Variants in PLA2G2F observed in about 807,000 individuals in gnomAD.
PLA2G2F encodes phospholipase A2 group IIF.
In PLA2G2F, 17 loss-of-function variants were observed where a neutral mutation model predicts 15.9. That is an observed-to-expected ratio of 1.07 (90% CI 0.73 to 1.60). The LOEUF is 1.60. Ranked by LOEUF, PLA2G2F falls within the 40% of genes most tolerant of loss-of-function variation. The probability of loss-of-function intolerance (pLI) is 0.00; values close to 1 mark genes in which losing one functional copy is unlikely to be tolerated. For synonymous variants in PLA2G2F, 119 were observed against 106.5 expected (o/e 1.12, Z -0.72); for missense variants, 299 against 278.2 (o/e 1.07, Z -0.53).
At position 20,140,431 on chromosome 1, in the gene PLA2G2F, G is replaced by T. The variant is rs12563965; in HGVS notation, c.169+213G>T. On this transcript the variant is annotated intron_variant, in intron 2 of 4. Coordinates refer to ENST00000375102, the MANE Select transcript of PLA2G2F (RefSeq NM_022819.4). ...AAACATGCATTTATGAGCCCTGGGG[G>T]GCAGGGCGCAGGGCTGAGCAAGCAT... 4.4e-5 allele frequency: 25 copies of T among 569,016 alleles called. No individual in the cohort carries two copies. In the African/African-American group the frequency reaches 4.5e-4, roughly 10 times the overall value. The allele number at this position is 569,016 out of a possible 1,614,324, so 35.2% of individuals were successfully genotyped here.
At chr1:20,145,370 C>T (rs1300187727) in intron 4 of PLA2G2F, among the ~76,000 whole-genome samples, 1 of 151,602 alleles carries the variant, frequency 6.6e-6, no homozygotes, top group Non-Finnish European at 1.5e-5. Context: ...CAACCTCTGC[C>T]TCCCAGGTTC....
intron 4 of PLA2G2F, among the ~76,000 whole-genome samples, chr1:20,146,891 G>A (rs2017624208): frequency 6.6e-6 from 1 of 152,166 alleles, no homozygotes; most frequent in Admixed American, 6.5e-5. Context: ...CGAACTTAAA[G>A]CAGTGATTTT....
At chr1:20,144,149 C>T (rs753255958) in intron 3 of PLA2G2F, 184 of 202,098 alleles carry the variant, frequency 9.1e-4, no homozygotes, top group Middle Eastern at 2.1e-3. Flanking sequence ...CCTACCAGTC[C>T]CTGTTGACCC....
chr1:20,139,683 G>A (rs910873201), intron 1 of PLA2G2F, 140 bp downstream of exon 1: 26 of 666,330 alleles, frequency 3.9e-5, no homozygotes, highest in Middle Eastern at 3.6e-4. Context: ...CAACCTTCAC[G>A]TGGCACTCAT....
intron 4 of PLA2G2F, 150 bp from the exon 5 acceptor site, chr1:20,148,040 C>T: frequency 1.5e-6 from 1 of 673,220 alleles, no homozygotes; most frequent in South Asian, 1.7e-5. Context: ...TGGGGTGGGG[C>T]CCGTGGGTGG....
Position 20,149,739 on chromosome 1 carries a change from G to C in PLA2G2F, c.*1338G>C, listed in dbSNP as rs1247166531. 1 of 152,562 alleles carries C rather than the reference G, an allele frequency of 6.6e-6. No homozygotes were observed. The highest frequency in any genetic ancestry group is 1.5e-5 in the Non-Finnish European group (1 of 68,330). The allele number at this position is 152,562 out of a possible 1,614,324, so 9.5% of individuals were successfully genotyped here. A position where few individuals can be genotyped will look rare whatever the true frequency, so the allele number is the denominator to read the frequency against. On this transcript the variant is annotated 3_prime_UTR_variant, in exon 5 of 5. Transcript: ENST00000375102. ...GGGTTCCTGTGTGGGGCGTGGAGCT[G>C]GGGCTGAAGTGGAGGGGACGGCCCT...
In PLA2G2F at chr1:20,148,481, G is replaced by T; in HGVS notation, c.*80G>T. On this transcript the variant is annotated 3_prime_UTR_variant, in exon 5 of 5. Transcript: ENST00000375102. ...CGAGGTGCAGGGAGGGTAGGAGCCA[G>T]GCCAGGAGCCTGAGGGTTGCTGGTT... 1 of 1,247,250 alleles carries T rather than the reference G, an allele frequency of 8.0e-7. No individual in the cohort carries two copies. The allele number at this position is 1,247,250 out of a possible 1,614,324, so 77.3% of individuals were successfully genotyped here.
chr1:20,146,112 T>C (rs1190245227), intron 4 of PLA2G2F, among the ~76,000 whole-genome samples: 1 of 152,224 alleles, frequency 6.6e-6, no homozygotes, highest in East Asian at 1.9e-4. Context: ...GCCCAGGAAC[T>C]TGGCTTTCAG....
At position 20,148,688 on chromosome 1, in the gene PLA2G2F, A is replaced by G; in HGVS notation, c.*287A>G. 2.2e-6 allele frequency: 1 copy of G among 453,848 alleles called. No homozygotes were observed. Among genetic ancestry groups the G allele is most frequent in the Admixed American group, 3.7e-5 (1 of 27,388 alleles). 28.1% of individuals were successfully genotyped at this position (453,848 alleles called of 1,614,324 possible). ...GGGTGGCCGGGGAGACCTGAGAGAG[A>G]GGAGGAGGGGCCTCTGAGTGGGGCC... On this transcript the variant is annotated 3_prime_UTR_variant, in exon 5 of 5. Transcript: ENST00000375102.
chr1:20,140,220 T>A lies in PLA2G2F; in HGVS notation c.169+2T>A. ...CCGTGGCCATCCTTGCTGGCAGCGGTGAGTAAAGACTCCAGAGGGCTCCTC... is the reference window on the plus strand; with the variant it reads ...CCGTGGCCATCCTTGCTGGCAGCGGAGAGTAAAGACTCCAGAGGGCTCCTC... On this transcript the variant is annotated splice_donor_variant, in intron 2 of 4. Transcript: ENST00000375102. LOFTEE classifies it high-confidence loss of function. 1 of 1,613,718 alleles carries A rather than the reference T, an allele frequency of 6.2e-7. No homozygotes were observed. Among genetic ancestry groups the A allele is most frequent in the African/African-American group, 1.3e-5 (1 of 75,010 alleles).
Position 20,148,516 on chromosome 1 carries a change from C to A in PLA2G2F, c.*115C>A. The stretch of plus-strand genomic sequence containing the variant: ...CTGAGGGTTGCTGGTTGCCTCCTCC[C>A]TGGAGCTCTCCAGTGAGGGCTCAGC... On this transcript the variant is annotated 3_prime_UTR_variant, in exon 5 of 5. Transcript: ENST00000375102. The A allele has an allele frequency of 1.2e-6, 1 of 828,254 alleles. No homozygotes were observed. Among genetic ancestry groups the A allele is most frequent in the Admixed American group, 2.3e-5 (1 of 42,864 alleles). The allele number at this position is 828,254 out of a possible 1,614,324, so 51.3% of individuals were successfully genotyped here.
intron 2 of PLA2G2F, chr1:20,141,315 G>C (rs2017463122): frequency 6.6e-6 from 1 of 152,390 alleles, no homozygotes; most frequent in Admixed American, 6.5e-5. Context: ...TATCAGGTAT[G>C]TGTGGGTGTA....
intron 4 of PLA2G2F, 95 bp from the exon 5 acceptor site, chr1:20,148,095 C>G: frequency 9.7e-7 from 1 of 1,029,526 alleles, no homozygotes; most frequent in South Asian, 1.3e-5. Flanking sequence ...GACCACTGGG[C>G]TCTCCAAGTC....
intron 1 of PLA2G2F, 85 bp downstream of exon 1, chr1:20,139,628 C>G (rs2017419766): frequency 9.4e-7 from 1 of 1,069,272 alleles, no homozygotes; most frequent in Non-Finnish European, 1.3e-6. Context: ...TCCCTTTCTC[C>G]TAAGAGTCCA....
Position 20,148,762 on chromosome 1 carries a change from C to G in PLA2G2F, c.*361C>G, listed in dbSNP as rs1486553354. On this transcript the variant is annotated 3_prime_UTR_variant, in exon 5 of 5. Coordinates refer to ENST00000375102, the MANE Select transcript of PLA2G2F (RefSeq NM_022819.4). Reference sequence around the variant, plus strand: ...TCCCCGGAGCCTTAGAAAGTCTGAGCCTTAGAAAGTCTGGGCCTGAGCATC... The same window carrying G: ...TCCCCGGAGCCTTAGAAAGTCTGAGGCTTAGAAAGTCTGGGCCTGAGCATC... The G allele has an allele frequency of 3.9e-6, 1 of 253,666 alleles. No homozygotes were observed. The highest frequency in any genetic ancestry group is 7.6e-6 in the Non-Finnish European group (1 of 130,878). 15.7% of individuals were successfully genotyped at this position (253,666 alleles called of 1,614,324 possible).
Position 20,139,551 on chromosome 1 carries a change from C to T in PLA2G2F, c.116+8C>T. ...TCCTTCAAGAACCTCCAGGTAGGTG[C>T]CTGTTGCCCTGAGATGGAATCCTCC... On this transcript the variant is annotated splice_region_variant and intron_variant, in intron 1 of 4. Coordinates refer to ENST00000375102, the MANE Select transcript of PLA2G2F (RefSeq NM_022819.4). 1 of 1,492,260 alleles carries T rather than the reference C, an allele frequency of 6.7e-7. No homozygotes were observed. The highest frequency in any genetic ancestry group is 9.0e-7 in the Non-Finnish European group (1 of 1,115,026). 92.4% of individuals were successfully genotyped at this position (1,492,260 alleles called of 1,614,324 possible).
Position 20,144,675 on chromosome 1 carries a change from CTG to C in PLA2G2F, c.411_412del (p.Glu138AspfsTer5). On this transcript the variant is annotated frameshift_variant, in exon 4 of 5. Transcript: ENST00000375102. LOFTEE classifies it low-confidence loss of function (END_TRUNC). Reference sequence around the variant, plus strand: ...TATGATCACACCATCGAGAACAACACTGAGATAGTCTGCAGTGAGTCCCTCCC... The same window carrying C: ...TATGATCACACCATCGAGAACAACACAGATAGTCTGCAGTGAGTCCCTCCC... 1.2e-6 allele frequency: 2 copies of C among 1,604,940 alleles called. No individual in the cohort carries two copies. The highest frequency in any genetic ancestry group is 2.2e-5 in the South Asian group (2 of 89,300).
In PLA2G2F at chr1:20,139,337, C is replaced by A; in HGVS notation, c.-91C>A. 1 of 964,942 alleles carries A rather than the reference C, an allele frequency of 1.0e-6. No individual in the cohort carries two copies. The highest frequency in any genetic ancestry group is 1.6e-6 in the Non-Finnish European group (1 of 622,076). The allele number at this position is 964,942 out of a possible 1,614,324, so 59.8% of individuals were successfully genotyped here. On this transcript the variant is annotated 5_prime_UTR_variant, in exon 1 of 5. Coordinates refer to ENST00000375102, the MANE Select transcript of PLA2G2F (RefSeq NM_022819.4). ...GCCACTCCCCTGCCAGTGTGCGAGG[C>A]AGCGTGAAGCTGGGGCCTGCTCCCC...
Position 20,148,696 on chromosome 1 carries a change from G to A in PLA2G2F, c.*295G>A, listed in dbSNP as rs2017666497. ...GGGGAGACCTGAGAGAGAGGAGGAG[G>A]GGCCTCTGAGTGGGGCCTCTGTTGC... On this transcript the variant is annotated 3_prime_UTR_variant, in exon 5 of 5. Transcript: ENST00000375102. 1 of 433,988 alleles carries A rather than the reference G, an allele frequency of 2.3e-6. No homozygotes were observed. Among genetic ancestry groups the A allele is most frequent in the East Asian group, 4.1e-5 (1 of 24,648 alleles). 26.9% of individuals were successfully genotyped at this position (433,988 alleles called of 1,614,324 possible).
Sources: allele counts gnomAD v4.1 joint callset (sites outside exome capture counted in the v4.1 genomes callset), GRCh38; gene constraint gnomAD v4.1.1; transcripts MANE v1.5; gene names NCBI Gene and HGNC (gene_info 2026-07-23, HGNC 2026-07-21).